The following LYZL1 variants were observed in gnomAD, a reference collection of about 807,000 sequenced individuals.
LYZL1 encodes lysozyme-like protein 1.
In LYZL1, 16 loss-of-function variants were observed where a neutral mutation model predicts 17.9. The ratio of observed to expected loss-of-function variants is 0.90; its 90% confidence interval spans 0.61 to 1.36. The LOEUF (loss-of-function observed/expected upper bound fraction) is 1.36. Ranked by LOEUF, LYZL1 falls within the 40% of genes most tolerant of loss-of-function variation. The pLI is 0.00. For synonymous variants in LYZL1, 58 were observed against 71.8 expected, an observed-to-expected ratio of 0.81 and a Z score of 0.97; for missense variants, 149 against 188.4, an observed-to-expected ratio of 0.79 and a Z score of 1.22.
At chr10:29,313,896 T>C (rs898590286), downstream of LYZL1, among the ~76,000 whole-genome samples, 1 of 152,192 alleles carries the variant, frequency 6.6e-6, no homozygotes, top group African/African-American at 2.4e-5. Context: ...GGGATAGTGA[T>C]TGGCTTATGT....
chr10:29,300,981 CT>C (rs1282312237), intron 3 of LYZL1, among the ~76,000 whole-genome samples: 2 of 152,048 alleles, frequency 1.3e-5, no homozygotes, highest in Non-Finnish European at 2.9e-5. Flanking sequence ...GCCACAATGC[CT>C]GGCTGGTTTT....
At chr10:29,314,712 A>G (rs1835709096), downstream of LYZL1, among the ~76,000 whole-genome samples, 1 of 152,154 alleles carries the variant, frequency 6.6e-6, no homozygotes, top group Admixed American at 6.5e-5. Context: ...CATCTAGAAC[A>G]TTTTTGTTTT....
chr10:29,295,298 G>T, intron 3 of LYZL1, among the ~76,000 whole-genome samples: 1 of 152,128 alleles, frequency 6.6e-6, no homozygotes, highest in Non-Finnish European at 1.5e-5. Context: ...AAACAAGTTT[G>T]CTTTATGTTA....
At chr10:29,301,792 A>G (rs1269476779) in intron 3 of LYZL1, among the ~76,000 whole-genome samples, 1 of 152,092 alleles carries the variant, frequency 6.6e-6, no homozygotes, top group Non-Finnish European at 1.5e-5. Context: ...AATGGCACAT[A>G]TGTTAGATTG....
chr10:29,300,202 A>C (rs1228120882), intron 3 of LYZL1, among the ~76,000 whole-genome samples: 1 of 151,858 alleles, frequency 6.6e-6, no homozygotes, highest in Non-Finnish European at 1.5e-5. Flanking sequence ...TGTTTATGCC[A>C]TCTATTCTTG....
chr10:29,310,004 A>G, intron 3 of LYZL1, 106 bp from the exon 4 acceptor site: 4 of 752,862 alleles, frequency 5.3e-6, no homozygotes, highest in Non-Finnish European at 8.7e-6. Context: ...TAGTTCTTCC[A>G]ACCCTCTTGA....
chr10:29,289,606 G>A (rs58800663), intron 1 of LYZL1, among the ~76,000 whole-genome samples: 7,661 of 151,326 alleles, frequency 0.051, 539 homozygotes, highest in African/African-American at 0.16. Context: ...TTTTGTAGAG[G>A]CAGGGTCTAC....
At chr10:29,306,414 GTGGCGGGCGCCTGTAGTCCCA>G (rs1354971275) in intron 3 of LYZL1, among the ~76,000 whole-genome samples, 17 of 146,580 alleles carry the variant, frequency 1.2e-4, no homozygotes, top group African/African-American at 3.5e-4. Context: ...GCCGGGCGTA[GTGGCGGGCGCCTGTAGTCCCA>G]GCTACTCGGG....
chr10:29,301,684 T>C (rs540864389), intron 3 of LYZL1, among the ~76,000 whole-genome samples: 18 of 152,284 alleles, frequency 1.2e-4, no homozygotes, highest in African/African-American at 4.3e-4. Flanking sequence ...TGGCATTCAT[T>C]AACATTTTGT....
At position 29,289,149 on chromosome 10, in the gene LYZL1, C is replaced by G; in HGVS notation, c.-107C>G. ...GACGCTCCCCTGAGCTGCCTGTCAC[C>G]GACTAAGTGGAGCAGTGTTTCTTCC... On this transcript the variant is annotated 5_prime_UTR_variant, in exon 1 of 5. Coordinates refer to ENST00000649382, the MANE Select transcript of LYZL1 (RefSeq NM_032517.6). 1.9e-6 allele frequency: 3 copies of G among 1,607,630 alleles called. No homozygotes were observed. The highest frequency in any genetic ancestry group is 2.6e-6 in the Non-Finnish European group (3 of 1,176,244).
intron 3 of LYZL1, among the ~76,000 whole-genome samples, chr10:29,307,710 T>G (rs1239488210): frequency 6.6e-6 from 1 of 152,244 alleles, no homozygotes; most frequent in Non-Finnish European, 1.5e-5. Context: ...GTATTATGAT[T>G]AATTTGAACA....
chr10:29,311,548 G>T (rs553792689), downstream of LYZL1, among the ~76,000 whole-genome samples: 1 of 152,112 alleles, frequency 6.6e-6, no homozygotes, highest in East Asian at 1.9e-4. Flanking sequence ...CTATCTACAC[G>T]CACGCAAGAG....
intron 3 of LYZL1, among the ~76,000 whole-genome samples, chr10:29,303,774 T>C (rs1435737032): frequency 4.6e-5 from 7 of 152,158 alleles, no homozygotes; most frequent in African/African-American, 1.7e-4. Flanking sequence ...GCCAGAGAGT[T>C]TTTTATTAGA....
chr10:29,311,993 T>C (rs1483122748), downstream of LYZL1, among the ~76,000 whole-genome samples: 3 of 149,378 alleles, frequency 2.0e-5, no homozygotes, highest in African/African-American at 7.4e-5. Context: ...AACGTTTTTT[T>C]TCCGGAGTAA....
intron 3 of LYZL1, among the ~76,000 whole-genome samples, chr10:29,293,851 G>A (rs189933714): frequency 2.0e-5 from 3 of 152,076 alleles, no homozygotes; most frequent in South Asian, 2.1e-4. Context: ...GTAGGTGCCT[G>A]TAATCCCAGC....
downstream of LYZL1, chr10:29,311,322 C>T (rs770475959): frequency 6.2e-6 from 7 of 1,136,414 alleles, no homozygotes; most frequent in Non-Finnish European, 6.8e-6. Flanking sequence ...AAACAAAGCT[C>T]CCTTCTTCAT....
At chr10:29,295,820 G>A (rs2132818838) in intron 3 of LYZL1, among the ~76,000 whole-genome samples, 1 of 152,260 alleles carries the variant, frequency 6.6e-6, no homozygotes. Flanking sequence ...TGGAGTAAGG[G>A]GCCATGAGTC....
chr10:29,306,897 C>G (rs1835604429), intron 3 of LYZL1, among the ~76,000 whole-genome samples: 1 of 151,760 alleles, frequency 6.6e-6, no homozygotes, highest in Non-Finnish European at 1.5e-5. Flanking sequence ...CTCTGTCACC[C>G]AGCCTGAAGT....
chr10:29,300,387 T>C (rs1835500888), intron 3 of LYZL1, among the ~76,000 whole-genome samples: 1 of 152,230 alleles, frequency 6.6e-6, no homozygotes, highest in Non-Finnish European at 1.5e-5. Flanking sequence ...ACTTCATATA[T>C]AACATATGAG....
Sources: gnomAD v4.1 joint callset for allele counts (sites outside exome capture counted in the v4.1 genomes callset) on GRCh38, gnomAD v4.1.1 for gene constraint, MANE v1.5 for transcripts, NCBI Gene and HGNC (gene_info 2026-07-23, HGNC 2026-07-21) for gene names.